The following JAZF1 variants were observed in gnomAD, a reference collection of about 807,000 sequenced individuals.
JAZF1 encodes the protein juxtaposed with another zinc finger protein 1.
In JAZF1, 8 loss-of-function variants were observed where a neutral mutation model predicts 26.4. The ratio of observed to expected loss-of-function variants is 0.30; its 90% CI spans 0.18 to 0.55. JAZF1 has a LOEUF of 0.55. Among genes scored for constraint, JAZF1 ranks in the 20% least tolerant of loss-of-function variants. JAZF1 has a pLI of 0.94. For missense variants in JAZF1, 199 were observed against 322.0 expected (o/e 0.62, Z 2.92); for synonymous variants, 126 against 122.3 (o/e 1.03, Z -0.20).
intron 3 of JAZF1, among the ~76,000 whole-genome samples, chr7:27,877,798 G>A (rs145510490): frequency 2.0e-5 from 3 of 152,284 alleles, no homozygotes; most frequent in East Asian, 1.9e-4. Context: ...TCACGTCTAC[G>A]TTATTTGTGG....
chr7:28,169,867 C>A (rs532674008), intron 1 of JAZF1, among the ~76,000 whole-genome samples: 13 of 152,154 alleles, frequency 8.5e-5, no homozygotes, highest in Non-Finnish European at 2.9e-5. Flanking sequence ...AATTAGCATT[C>A]GAGAGGCTCT....
intron 1 of JAZF1, among the ~76,000 whole-genome samples, chr7:28,062,447 T>C (rs1399706224): frequency 1.3e-5 from 2 of 152,182 alleles, no homozygotes; most frequent in Non-Finnish European, 2.9e-5. Context: ...GTGCAGAGCA[T>C]GCAGTCCCTT....
intron 3 of JAZF1, among the ~76,000 whole-genome samples, chr7:27,849,230 C>T (rs1783085753): frequency 6.6e-6 from 1 of 152,174 alleles, no homozygotes; most frequent in South Asian, 2.1e-4. Flanking sequence ...CGCTCAAAAC[C>T]ACACGTGACG....
chr7:27,983,502 T>G (rs961126544), intron 2 of JAZF1, among the ~76,000 whole-genome samples: 2 of 151,910 alleles, frequency 1.3e-5, no homozygotes, highest in South Asian at 2.1e-4. Flanking sequence ...ACGGGGAGAA[T>G]AGAACCAAAC....
At chr7:27,860,036 C>T (rs1211918787) in intron 3 of JAZF1, among the ~76,000 whole-genome samples, 2 of 152,192 alleles carry the variant, frequency 1.3e-5, no homozygotes, top group Non-Finnish European at 2.9e-5. Context: ...TTACAATAGT[C>T]ACACATTTAT....
chr7:27,947,594 T>C (rs1378519728), intron 2 of JAZF1, among the ~76,000 whole-genome samples: 1 of 152,218 alleles, frequency 6.6e-6, no homozygotes, highest in African/African-American at 2.4e-5. Flanking sequence ...TTTTCCCCTT[T>C]GATCCATGAC....
chr7:27,835,534 C>G (rs943010726), intron 4 of JAZF1, among the ~76,000 whole-genome samples: 2 of 151,902 alleles, frequency 1.3e-5, no homozygotes, highest in East Asian at 3.8e-4. Context: ...TCAGGAAGCA[C>G]ATTTAGAAAC....
chr7:27,987,379 C>T (rs1413716061), intron 2 of JAZF1, among the ~76,000 whole-genome samples: 5 of 150,928 alleles, frequency 3.3e-5, no homozygotes, highest in Admixed American at 6.6e-5. Context: ...CGTCTCTGCC[C>T]GGCCGCCCCG....
Position 27,877,104 on chromosome 7 carries a change from C to T in JAZF1, c.385+18116G>A, listed in dbSNP as rs375747647. Among the ~76,000 whole-genome samples the T allele has an allele frequency of 6.6e-5, 10 of 152,192 alleles. 1 individual carries two copies. The East Asian group carries it at 1.7e-3, about 26-fold the overall frequency. The stretch of plus-strand genomic sequence containing the variant: ...CGCTAGACTTTGGCAGAGGCCGCTG[C>T]TGGAAAGCCAGCATCCCCAGCTTTA... On this transcript the variant is annotated intron_variant, in intron 3 of 4. Transcript: ENST00000283928.
At chr7:28,114,463 C>T (rs894402432) in intron 1 of JAZF1, among the ~76,000 whole-genome samples, 2 of 151,644 alleles carry the variant, frequency 1.3e-5, no homozygotes, top group Non-Finnish European at 2.9e-5. Context: ...TCCAAAGAGG[C>T]CTATTCTTAA....
chr7:27,932,262 A>G (rs938879082), intron 2 of JAZF1, among the ~76,000 whole-genome samples: 1 of 152,222 alleles, frequency 6.6e-6, no homozygotes, highest in Non-Finnish European at 1.5e-5. Context: ...CTCAAGTCCA[A>G]CTGGGGATGA....
At chr7:28,039,311 A>G (rs778546056) in intron 1 of JAZF1, among the ~76,000 whole-genome samples, 2 of 152,170 alleles carry the variant, frequency 1.3e-5, no homozygotes, top group Non-Finnish European at 2.9e-5. Context: ...CAGTCTTATG[A>G]GATAGATGTA....
At chr7:27,938,036 T>G (rs1784784749) in intron 2 of JAZF1, among the ~76,000 whole-genome samples, 1 of 152,260 alleles carries the variant, frequency 6.6e-6, no homozygotes, top group Admixed American at 6.5e-5. Flanking sequence ...ACAGGATGGA[T>G]ACACTCAATT....
chr7:27,913,561 C>T (rs1784397633), intron 2 of JAZF1: 2 of 254,034 alleles, frequency 7.9e-6, no homozygotes, highest in African/African-American at 4.7e-5. Context: ...GGAGTGGAAA[C>T]CCCTTGCTCT....
intron 3 of JAZF1, among the ~76,000 whole-genome samples, chr7:27,893,614 G>A (rs560663564): frequency 1.2e-4 from 19 of 152,172 alleles, no homozygotes; most frequent in Non-Finnish European, 2.6e-4. Flanking sequence ...TTTCCTGACT[G>A]GGTCAAACTT....
chr7:27,906,522 G>T (rs1770624126), intron 2 of JAZF1, among the ~76,000 whole-genome samples: 1 of 152,182 alleles, frequency 6.6e-6, no homozygotes, highest in Non-Finnish European at 1.5e-5. Context: ...ACTATGGAAT[G>T]ATATAGTCAA....
chr7:28,140,460 A>G (rs1470718427), intron 1 of JAZF1, among the ~76,000 whole-genome samples: 1 of 152,194 alleles, frequency 6.6e-6, no homozygotes, highest in Admixed American at 6.5e-5. Context: ...AGGAAGGCTA[A>G]CAGACAGAAA....
chr7:28,050,625 G>C (rs545404974), intron 1 of JAZF1, among the ~76,000 whole-genome samples: 10 of 152,204 alleles, frequency 6.6e-5, no homozygotes, highest in African/African-American at 2.4e-4. Context: ...TCCAATTTTT[G>C]AAGTGTACAG....
Position 27,918,429 on chromosome 7 carries a change from ATATT to A in JAZF1, c.189-23017_189-23014del, listed in dbSNP as rs527331799. On this transcript the variant is annotated intron_variant, in intron 2 of 4. Transcript: ENST00000283928. ...GCACTTATTTTATAATTGCCCATAT[ATATT>A]AGTATCACCTCACTGACTATATCAG... Among the ~76,000 whole-genome samples, 27 of 152,312 alleles carry A rather than the reference ATATT, an allele frequency of 1.8e-4. No individual in the cohort carries two copies. In the South Asian group the frequency reaches 5.4e-3, roughly 30 times the overall value.
Sources: gnomAD v4.1 joint callset for allele counts (sites outside exome capture counted in the v4.1 genomes callset) on GRCh38, gnomAD v4.1.1 for gene constraint, MANE v1.5 for transcripts, NCBI Gene and HGNC (gene_info 2026-07-23, HGNC 2026-07-21) for gene names.